The following FER1L5 variants were observed in gnomAD, a reference collection of about 807,000 sequenced individuals.
FER1L5 encodes fer-1 like family member 5, also known as fer-1-like protein 5.
FER1L5 carries 187 observed loss-of-function variants against 279.9 expected under a neutral mutation model. That is an observed-to-expected ratio of 0.67 (90% confidence interval 0.59 to 0.75). The LOEUF (loss-of-function observed/expected upper bound fraction) is 0.75. Ranked by LOEUF, FER1L5 falls within the 30% of genes least tolerant of loss-of-function variation. FER1L5 has a pLI of 0.00. For synonymous variants in FER1L5, 921 were observed against 989.7 expected (o/e 0.93, Z 1.30); for missense variants, 2,091 against 2,594.4 (o/e 0.81, Z 4.21).
intron 3 of FER1L5, 104 bp from the exon 4 acceptor site, chr2:96,647,674 A>C: frequency 1.2e-6 from 1 of 804,794 alleles, no homozygotes; most frequent in Admixed American, 2.2e-5. Flanking sequence ...TGAGGACAGC[A>C]CAGCCCTGGG....
At position 96,697,509 on chromosome 2, in the gene FER1L5, A is replaced by T. The variant is rs766502819; in HGVS notation, c.4084-17A>T. The T allele has an allele frequency of 3.1e-6, 5 of 1,611,864 alleles. No homozygotes were observed. Among genetic ancestry groups the T allele is most frequent in the Non-Finnish European group, 2.5e-6 (3 of 1,179,126 alleles). ...AGTGAGCTATGGCTTTCCCTTGCTC[A>T]CCCTCTCCTTTTTCAGTTCCTAGGC... On this transcript the variant is annotated splice_polypyrimidine_tract_variant and intron_variant, in intron 37 of 52. Coordinates refer to ENST00000624922, the MANE Select transcript of FER1L5 (RefSeq NM_001293083.2).
At position 96,700,491 on chromosome 2, in the gene FER1L5, AC is replaced by A; in HGVS notation, c.5070+21del. 1 of 1,611,760 alleles carries A rather than the reference AC, an allele frequency of 6.2e-7. No homozygotes were observed. The highest frequency in any genetic ancestry group is 8.5e-7 in the Non-Finnish European group (1 of 1,179,796). ...GACCAGGTATGAGACTGGAGGGGCC[AC>A]TCCTGGCTCCTACAGGAGGAGCTAG... is the stretch of plus-strand genomic sequence containing the variant. On this transcript the variant is annotated intron_variant, in intron 45 of 52. Coordinates refer to ENST00000624922, the MANE Select transcript of FER1L5 (RefSeq NM_001293083.2).
chr2:96,669,057 T>G lies in FER1L5; in HGVS notation c.1282T>G (p.Phe428Val), dbSNP rs2076229940. ...TCTCCTTCCAGGAGTGTACTCCGGC[T>G]TCCTGCCCTGCTTTGGCCCCAGCTT... is the stretch of plus-strand genomic sequence containing the variant. ...GEEIEGVYSG[F>V]LPCFGPSFLT... Residue 428 changes from phenylalanine to valine, a missense_variant, in exon 17 of 53, where the codon TTC becomes GTC. Physicochemically the swap from Phe to Val is conservative, Grantham distance 50. Coordinates refer to ENST00000624922, the MANE Select transcript of FER1L5 (RefSeq NM_001293083.2). 6.4e-6 allele frequency: 10 copies of G among 1,551,572 alleles called. No homozygotes were observed. The African/African-American group carries it at 8.2e-5, about 13-fold the overall frequency.
At chr2:96,696,349 G>A (rs1213283025) in intron 37 of FER1L5, among the ~76,000 whole-genome samples, 1 of 151,838 alleles carries the variant, frequency 6.6e-6, no homozygotes, top group Non-Finnish European at 1.5e-5. Context: ...CTGGAGTGCA[G>A]TGGCACAATC....
At chr2:96,671,733 G>A (rs1422117923) in intron 18 of FER1L5, among the ~76,000 whole-genome samples, 6 of 152,234 alleles carry the variant, frequency 3.9e-5, no homozygotes, top group Non-Finnish European at 8.8e-5. Context: ...GGTGAAAGAG[G>A]AGAAGGGATT....
chr2:96,692,023 G>A (rs1054898569), intron 30 of FER1L5, 60 bp downstream of exon 30: 12 of 1,405,040 alleles, frequency 8.5e-6, no homozygotes, highest in African/African-American at 2.9e-5. Context: ...CGAGGGCGGG[G>A]GGGGGGGACA....
chr2:96,662,061 A>G, intron 12 of FER1L5, 154 bp from the exon 13 acceptor site: 2 of 816,026 alleles, frequency 2.5e-6, no homozygotes, highest in Non-Finnish European at 3.9e-6. Context: ...ATTGTGTGGA[A>G]GAAGAAGGGG....
chr2:96,659,378 T>G (rs1339657679), intron 9 of FER1L5, among the ~76,000 whole-genome samples: 1 of 13,420 alleles, frequency 7.5e-5, no homozygotes, highest in Non-Finnish European at 1.2e-4. Flanking sequence ...TCTTTCTTTC[T>G]TTCTTTCTTT....
In FER1L5 at chr2:96,686,187, C is replaced by T. The variant is rs1315281911; in HGVS notation, c.2074-8C>T. On this transcript the variant is annotated splice_region_variant and splice_polypyrimidine_tract_variant and intron_variant, in intron 22 of 52. Coordinates refer to ENST00000624922, the MANE Select transcript of FER1L5 (RefSeq NM_001293083.2). ...CGCGCAGGGCCTGACATTCTCCCAC[C>T]TCGGCAGCCCCAGATGGGCCTCCCT... is the stretch of plus-strand genomic sequence containing the variant. 2 of 1,549,594 alleles carry T rather than the reference C, an allele frequency of 1.3e-6. No individual in the cohort carries two copies. The highest frequency in any genetic ancestry group is 1.7e-6 in the Non-Finnish European group (2 of 1,145,596).
Position 96,697,581 on chromosome 2 carries a change from T to G in FER1L5, c.4134+5T>G. The stretch of plus-strand genomic sequence containing the variant: ...TTCAAGTCCAGTAAAGCAGAGGTGA[T>G]GAAGGCTCAGCCCCATTCAGTGCAG... On this transcript the variant is annotated splice_donor_5th_base_variant and intron_variant, in intron 38 of 52. Transcript: ENST00000624922. 2 of 1,613,802 alleles carry G rather than the reference T, an allele frequency of 1.2e-6. No individual in the cohort carries two copies. Among genetic ancestry groups the G allele is most frequent in the Non-Finnish European group, 1.7e-6 (2 of 1,179,796 alleles).
intron 2 of FER1L5, 149 bp from the exon 3 acceptor site, chr2:96,646,915 C>A: frequency 1.2e-6 from 1 of 818,302 alleles, no homozygotes; most frequent in Non-Finnish European, 1.9e-6. Flanking sequence ...GTAGCAAACG[C>A]CATCTCCTGA....
At chr2:96,671,968 A>C (rs1274795319) in intron 18 of FER1L5, among the ~76,000 whole-genome samples, 1 of 152,152 alleles carries the variant, frequency 6.6e-6, no homozygotes, top group African/African-American at 2.4e-5. Context: ...ACCTTCTAAG[A>C]AACCTGATTG....
chr2:96,645,814 GA>G (rs770014311), intron 1 of FER1L5, among the ~76,000 whole-genome samples: 1 of 150,868 alleles, frequency 6.6e-6, no homozygotes, highest in African/African-American at 2.4e-5. Context: ...GAAAAGTAAA[GA>G]AAAAATAAAA....
chr2:96,681,900 C>T (rs559367771), intron 19 of FER1L5, among the ~76,000 whole-genome samples: 369 of 151,712 alleles, frequency 2.4e-3, no homozygotes, highest in Admixed American at 4.3e-3. Context: ...ATTCTCCTGC[C>T]TCAGCCTCCA....
In FER1L5 at chr2:96,697,801, C is replaced by T. The variant is rs142333046; in HGVS notation, c.4236+40C>T. On this transcript the variant is annotated intron_variant, in intron 39 of 52. Transcript: ENST00000624922. ...AGAAATGGGATGGAATCAAATCTCC[C>T]ACTGGAGGAGGCCAGCAGAGCTAGC... The T allele has an allele frequency of 3.9e-5, 62 of 1,602,870 alleles. No individual in the cohort carries two copies. The Middle Eastern group carries it at 7.2e-4, about 19-fold the overall frequency.
At chr2:96,688,942 CTG>C (rs895202636) in intron 24 of FER1L5, 1 of 380,610 alleles carries the variant, frequency 2.6e-6, no homozygotes. Context: ...CTCTCCACCT[CTG>C]TGCCTCCAAG....
intron 9 of FER1L5, among the ~76,000 whole-genome samples, chr2:96,655,997 T>C (rs958206529): frequency 6.6e-6 from 1 of 152,120 alleles, no homozygotes; most frequent in Non-Finnish European, 1.5e-5. Context: ...CAGGCGTGTG[T>C]CCACCACACC....
chr2:96,689,832 G>A lies in FER1L5; in HGVS notation c.2640+74G>A, dbSNP rs995616168. On this transcript the variant is annotated intron_variant, in intron 26 of 52. Transcript: ENST00000624922. The surrounding 1 kb of genome is among the most constrained non-coding windows in gnomAD (Gnocchi z 4.6). ...AGGCGGGGCGCCTTGGAAGCTGGGG[G>A]TCCCAGTGGAAAGGGTCTGAGCCCT... The A allele has an allele frequency of 1.1e-5, 15 of 1,308,042 alleles. No homozygotes were observed. The highest frequency in any genetic ancestry group is 1.0e-4 in the African/African-American group (7 of 67,188). 81.0% of individuals were successfully genotyped at this position (1,308,042 alleles called of 1,614,324 possible).
At chr2:96,659,280 T>C (rs2075727557) in intron 9 of FER1L5, among the ~76,000 whole-genome samples, 1 of 150,190 alleles carries the variant, frequency 6.7e-6, no homozygotes. Flanking sequence ...TGAAGTCCAA[T>C]TTATCAAGCT....
Sources: gnomAD v4.1 joint callset for allele counts (sites outside exome capture counted in the v4.1 genomes callset) on GRCh38, gnomAD v4.1.1 for gene constraint, Gnocchi (gnomAD v3.1) non-coding constraint, MANE v1.5 for transcripts, NCBI Gene and HGNC (gene_info 2026-07-23, HGNC 2026-07-21) for gene names.